ZNF592: variants seen among roughly 807,000 people sequenced by gnomAD.
The protein encoded by ZNF592 is zinc finger protein 592.
In ZNF592, 11 loss-of-function variants were observed where a neutral mutation model predicts 80.3. That is an observed-to-expected ratio of 0.14 (90% CI 0.09 to 0.23). The LOEUF is 0.23. Among genes scored for constraint, ZNF592 ranks in the 10% least tolerant of loss-of-function variants. The probability of loss-of-function intolerance (pLI) is 1.00; values close to 1 mark genes in which losing one functional copy is unlikely to be tolerated. For synonymous variants in ZNF592, 646 were observed against 640.3 expected (o/e 1.01, Z -0.13); for missense variants, 1,420 against 1,633.9 (o/e 0.87, Z 2.26).
Position 84,799,229 on chromosome 15 carries a change from T to C in ZNF592, c.3137+19T>C. ...CCTGCGGGTGAGTCCCTGGGGATAG[T>C]AGTGAGGAGGCCTGAGGTTCAAAAG... is the stretch of plus-strand genomic sequence containing the variant. On this transcript the variant is annotated intron_variant, in intron 9 of 10. Transcript: ENST00000560079. The surrounding 1 kb of genome is among the most constrained non-coding windows in gnomAD (Gnocchi z 4.2). 1.2e-6 allele frequency: 2 copies of C among 1,610,642 alleles called. No individual in the cohort carries two copies. Among genetic ancestry groups the C allele is most frequent in the Non-Finnish European group, 1.7e-6 (2 of 1,176,892 alleles).
chr15:84,781,285 C>A (rs1962415590), intron 3 of ZNF592, among the ~76,000 whole-genome samples: 1 of 152,004 alleles, frequency 6.6e-6, no homozygotes, highest in Non-Finnish European at 1.5e-5. Flanking sequence ...TGACCTCAAG[C>A]TATCCACTCA....
intron 4 of ZNF592, among the ~76,000 whole-genome samples, chr15:84,785,129 A>G (rs1270913342): frequency 1.3e-5 from 2 of 152,048 alleles, no homozygotes; most frequent in Non-Finnish European, 2.9e-5. Flanking sequence ...CCCGTGTTCC[A>G]CTCAACTTCC....
chr15:84,795,785 A>T (rs1017819602), intron 5 of ZNF592, among the ~76,000 whole-genome samples: 1 of 152,202 alleles, frequency 6.6e-6, no homozygotes, highest in Admixed American at 6.5e-5. Context: ...CAAATGTAGT[A>T]ATGAATGCTC....
At chr15:84,761,564 AAGT>A (rs898777921) in intron 1 of ZNF592, among the ~76,000 whole-genome samples, 5 of 152,120 alleles carry the variant, frequency 3.3e-5, no homozygotes, top group African/African-American at 1.2e-4. Flanking sequence ...GGTGGGGTGT[AAGT>A]AGGAGAAAGG....
At chr15:84,801,299 G>C (rs1963088987) in intron 10 of ZNF592, among the ~76,000 whole-genome samples, 1 of 151,880 alleles carries the variant, frequency 6.6e-6, no homozygotes, top group Non-Finnish European at 1.5e-5. Flanking sequence ...CTCCAGCCTG[G>C]GTAACAAAAT....
rs149836021 is a variant in ZNF592, at chr15:84,755,706, C to T, written c.-259+7042C>T. Reference sequence around the variant, plus strand: ...AAAAACAAACAAGCATCCTATAAGCCGAATTTCATTTTGGAGACAAACATT... The same window carrying T: ...AAAAACAAACAAGCATCCTATAAGCTGAATTTCATTTTGGAGACAAACATT... On this transcript the variant is annotated intron_variant, in intron 1 of 10. Transcript: ENST00000560079. 3.7e-3 allele frequency among the ~76,000 whole-genome samples: 563 copies of T among 152,196 alleles called. 1 individual carries two copies. The highest frequency in any genetic ancestry group is 0.017 in the Middle Eastern group (5 of 294).
At chr15:84,789,152 G>T (rs1412216794) in intron 4 of ZNF592, among the ~76,000 whole-genome samples, 3 of 151,990 alleles carry the variant, frequency 2.0e-5, no homozygotes, top group African/African-American at 7.3e-5. Flanking sequence ...GGAGGCTGAG[G>T]CAGGAGAATT....
chr15:84,778,355 A>G, intron 3 of ZNF592, 43 bp downstream of exon 3: 1 of 188,200 alleles, frequency 5.3e-6, no homozygotes, highest in Non-Finnish European at 1.1e-5. Context: ...TGATTTGCAT[A>G]GGGCTCAGGG....
At position 84,805,667 on chromosome 15, in the gene ZNF592, C is replaced by G. The variant is rs1295877070; in HGVS notation, c.*3274C>G. The G allele has an allele frequency of 3.3e-5, 5 of 152,616 alleles. No homozygotes were observed. The highest frequency in any genetic ancestry group is 7.3e-5 in the Non-Finnish European group (5 of 68,040). 9.5% of individuals were successfully genotyped at this position (152,616 alleles called of 1,614,324 possible). On this transcript the variant is annotated 3_prime_UTR_variant, in exon 11 of 11. Coordinates refer to ENST00000560079, the MANE Select transcript of ZNF592 (RefSeq NM_014630.3). ...CCCAGTAAGCTCAACACTTTGCCTT[C>G]CCCAAGACTGGGGAACCTCTGTCCT...
Position 84,764,191 on chromosome 15 carries a change from G to A in ZNF592, c.-258-516G>A, listed in dbSNP as rs997068074. Among the ~76,000 whole-genome samples the A allele has an allele frequency of 2.6e-5, 4 of 152,124 alleles. 1 individual carries two copies. Among genetic ancestry groups the A allele is most frequent in the Admixed American group, 1.3e-4 (2 of 15,270 alleles). On this transcript the variant is annotated intron_variant, in intron 1 of 10. Transcript: ENST00000560079. Reference sequence around the variant, plus strand: ...TTGTGTGGAGGGGTAAACTAAACCCGGCTTTACTTCCCTTGTCTTTCTGTC... The same window carrying A: ...TTGTGTGGAGGGGTAAACTAAACCCAGCTTTACTTCCCTTGTCTTTCTGTC...
At chr15:84,767,970 A>G (rs1423884474) in intron 2 of ZNF592, among the ~76,000 whole-genome samples, 4 of 151,364 alleles carry the variant, frequency 2.6e-5, no homozygotes, top group African/African-American at 9.7e-5. Flanking sequence ...TCAACCTCCC[A>G]GGCTCAAGCA....
chr15:84,784,075 C>A lies in ZNF592; in HGVS notation c.1400C>A (p.Pro467His). ...DSSSPSCSSG[P>H]RVPKGAAPGS... is the part of the protein sequence containing the mutation. Reference sequence around the variant, plus strand: ...TCATCTCCCAGCTGCAGTTCTGGGCCCCGGGTCCCAAAGGGGGCTGCCCCA... The same window carrying A: ...TCATCTCCCAGCTGCAGTTCTGGGCACCGGGTCCCAAAGGGGGCTGCCCCA... The change falls in exon 4 of 11, where the codon CCC becomes CAC. Residue 467 changes from proline to histidine, a missense_variant. Coordinates refer to ENST00000560079, the MANE Select transcript of ZNF592 (RefSeq NM_014630.3). The surrounding 1 kb of genome is among the most constrained non-coding windows in gnomAD (Gnocchi z 5.8). 1 of 1,613,934 alleles carries A rather than the reference C, an allele frequency of 6.2e-7. No individual in the cohort carries two copies.
intron 4 of ZNF592, among the ~76,000 whole-genome samples, chr15:84,785,445 A>G (rs192010215): frequency 2.0e-5 from 3 of 152,042 alleles, no homozygotes; most frequent in East Asian, 3.9e-4. Flanking sequence ...CCAAGTAGCT[A>G]GGACTCCAGG....
intron 2 of ZNF592, among the ~76,000 whole-genome samples, chr15:84,773,579 A>G (rs1962153522): frequency 6.6e-6 from 1 of 152,116 alleles, no homozygotes; most frequent in Admixed American, 6.5e-5. Context: ...GTCCCCATCC[A>G]GGGGAGAAGA....
In ZNF592 at chr15:84,763,234, A is replaced by C. The variant is rs146768783; in HGVS notation, c.-258-1473A>C. 9.9e-5 allele frequency among the ~76,000 whole-genome samples: 15 copies of C among 152,250 alleles called. 1 individual carries two copies. The highest frequency in any genetic ancestry group is 3.1e-4 in the African/African-American group (13 of 41,550). ...TGTGAAGAGTGTGTTATAAACTGTA[A>C]GATTCCTACACATCCAAGCATGCGT... On this transcript the variant is annotated intron_variant, in intron 1 of 10. Coordinates refer to ENST00000560079, the MANE Select transcript of ZNF592 (RefSeq NM_014630.3).
rs762074037 is a variant in ZNF592, at chr15:84,798,760, G to T, written c.2909G>T (p.Arg970Leu). ...SGRWGRPEAH[R>L]RVEARPRLRN... ...CGCTGGGGTAGGCCTGAAGCCCACC[G>T]CAGGGTGGAAGCCAGGCCGCGGCTG... The change falls in exon 8 of 11, where the codon CGC becomes CTC. Residue 970 changes from arginine (R) to leucine (L), a missense_variant. Physicochemically the swap from Arg to Leu is moderately radical, Grantham distance 102 (BLOSUM62 -2). Around this residue, in one of 7 missense-constraint regions of ZNF592, gnomAD observed 331 missense variants for 347.0 expected, o/e 0.95. Transcript: ENST00000560079. This position sits in a 1 kb window ranked among gnomAD's most constrained non-coding sequence, Gnocchi z 4.5. 2.5e-6 allele frequency: 4 copies of T among 1,607,470 alleles called. No individual in the cohort carries two copies. Among genetic ancestry groups the T allele is most frequent in the Non-Finnish European group, 3.4e-6 (4 of 1,179,750 alleles).
chr15:84,769,271 C>T (rs1899629369), intron 2 of ZNF592, among the ~76,000 whole-genome samples: 1 of 151,980 alleles, frequency 6.6e-6, no homozygotes, highest in Non-Finnish European at 1.5e-5. Flanking sequence ...GGATTACCTT[C>T]CTGTAAACAC....
Position 84,783,249 on chromosome 15 carries a change from C to T in ZNF592, c.574C>T (p.Pro192Ser), listed in dbSNP as rs1380801082. The change falls in exon 4 of 11, where the codon CCA (proline) becomes TCA (serine). Residue 192 changes from proline (P) to serine (S), a missense_variant. Transcript: ENST00000560079. This position sits in a 1 kb window ranked among gnomAD's most constrained non-coding sequence, Gnocchi z 5.0. Reference sequence around the variant, plus strand: ...GGAGGCTCTGGCTAAGTTTCCGGTTCCAGAGCTGCATATGTTTGATCATTT... The same window carrying T: ...GGAGGCTCTGGCTAAGTTTCCGGTTTCAGAGCTGCATATGTTTGATCATTT... ...VLEALAKFPV[P>S]ELHMFDHFCK... The T allele has an allele frequency of 6.2e-7, 1 of 1,614,194 alleles. No individual in the cohort carries two copies. Among genetic ancestry groups the T allele is most frequent in the Non-Finnish European group, 8.5e-7 (1 of 1,180,036 alleles).
In ZNF592 at chr15:84,802,735, T is replaced by C. The variant is rs1004599376; in HGVS notation, c.*342T>C. The C allele has an allele frequency of 2.9e-6, 1 of 340,168 alleles. No individual in the cohort carries two copies. Among genetic ancestry groups the C allele is most frequent in the Non-Finnish European group, 5.6e-6 (1 of 178,252 alleles). The allele number at this position is 340,168 out of a possible 1,614,324, so 21.1% of individuals were successfully genotyped here. A position where few individuals can be genotyped will look rare whatever the true frequency, so the allele number is the denominator to read the frequency against. On this transcript the variant is annotated 3_prime_UTR_variant, in exon 11 of 11. Coordinates refer to ENST00000560079, the MANE Select transcript of ZNF592 (RefSeq NM_014630.3). The stretch of plus-strand genomic sequence containing the variant: ...TTGAACCCCACAGCGGCTGTGCTCT[T>C]CTGGGAGGTTCCCGCTTGCTGCCTT...
Sources: allele counts gnomAD v4.1 joint callset (sites outside exome capture counted in the v4.1 genomes callset), GRCh38; gene constraint gnomAD v4.1.1; regional missense constraint gnomAD v4.1.1; non-coding constraint Gnocchi (gnomAD v3.1); transcripts MANE v1.5; gene names NCBI Gene and HGNC (gene_info 2026-07-23, HGNC 2026-07-21).